FMN2: variants seen among roughly 807,000 people sequenced by gnomAD.
FMN2 encodes the protein formin-2.
FMN2 carries 51 observed loss-of-function variants against 142.3 expected under a neutral mutation model. The ratio of observed to expected loss-of-function variants is 0.36; its 90% CI spans 0.29 to 0.45. The LOEUF (loss-of-function observed/expected upper bound fraction) is 0.45, where lower values mean the gene tolerates loss of function less well. FMN2 is among the 20% of genes least tolerant of loss of function. The pLI is 1.00. For synonymous variants in FMN2, 882 were observed against 869.8 expected (o/e 1.01, Z -0.25); for missense variants, 1,936 against 2,122.8 (o/e 0.91, Z 1.73).
intron 6 of FMN2, among the ~76,000 whole-genome samples, chr1:240,244,762 T>G (rs1008667084): frequency 3.3e-5 from 5 of 152,156 alleles, no homozygotes; most frequent in Non-Finnish European, 7.3e-5. Flanking sequence ...TAGAGAAAAT[T>G]GACTTTTCAG....
intron 15 of FMN2, among the ~76,000 whole-genome samples, chr1:240,434,548 GTTTTTTGTTT>G (rs1291450222): frequency 1.6e-3 from 170 of 103,242 alleles, no homozygotes; most frequent in African/African-American, 4.5e-3. Context: ...TTTGTTTTTT[GTTTTTTGTTT>G]TTTTTTGTTT....
chr1:240,469,153 A>T (rs1292251513), intron 16 of FMN2, among the ~76,000 whole-genome samples: 1 of 152,088 alleles, frequency 6.6e-6, no homozygotes, highest in Non-Finnish European at 1.5e-5. Flanking sequence ...GGCTTCAGGG[A>T]GTGTTAATGC....
chr1:240,397,102 C>T (rs758620854), intron 15 of FMN2, among the ~76,000 whole-genome samples: 1 of 152,198 alleles, frequency 6.6e-6, no homozygotes, highest in Non-Finnish European at 1.5e-5. Context: ...CTTTCCTGCA[C>T]AGCCTCGCCA....
intron 16 of FMN2, among the ~76,000 whole-genome samples, chr1:240,467,737 A>G (rs991107124): frequency 1.3e-5 from 2 of 152,220 alleles, no homozygotes; most frequent in Admixed American, 6.5e-5. Flanking sequence ...GTTTGCTTCG[A>G]GATGAAATTT....
At chr1:240,122,304 C>T (rs113296841) in intron 1 of FMN2, among the ~76,000 whole-genome samples, 10,160 of 151,686 alleles carry the variant, frequency 0.067, 427 homozygotes, top group Non-Finnish European at 0.088. Flanking sequence ...GCTCTTGTCT[C>T]CCAGGCTAGA....
At chr1:240,401,657 C>G (rs2103111518) in intron 15 of FMN2, among the ~76,000 whole-genome samples, 1 of 152,264 alleles carries the variant, frequency 6.6e-6, no homozygotes, top group African/African-American at 2.4e-5. Flanking sequence ...ATTGTGATAG[C>G]TGAGTTGGGC....
chr1:240,400,889 G>C (rs139172141), intron 15 of FMN2: 1 of 152,352 alleles, frequency 6.6e-6, no homozygotes, highest in Non-Finnish European at 1.5e-5. Flanking sequence ...TTTGGAGGCC[G>C]AGGCAGGCAG....
At position 240,101,688 on chromosome 1, in the gene FMN2, G is replaced by A. The variant is rs143945108; in HGVS notation, c.1615+7964G>A. On this transcript the variant is annotated intron_variant, in intron 1 of 17. Transcript: ENST00000319653. ...TTCCAGAATAGCTGGGACCACAGGC[G>A]TGAGCCACTATGCCTGGCTAATTTT... is the stretch of plus-strand genomic sequence containing the variant. Among the ~76,000 whole-genome samples, 924 of 151,616 alleles carry A rather than the reference G, an allele frequency of 6.1e-3. 3 individuals are homozygous for A. Among genetic ancestry groups the A allele is most frequent in the South Asian group, 0.032 (152 of 4,786 alleles).
intron 2 of FMN2, among the ~76,000 whole-genome samples, chr1:240,147,750 C>G (rs1163903480): frequency 6.6e-6 from 1 of 152,172 alleles, no homozygotes; most frequent in Non-Finnish European, 1.5e-5. Context: ...CTACAGGGAC[C>G]TCCCTTAGCT....
At position 240,180,434 on chromosome 1, in the gene FMN2, C is replaced by T. The variant is rs185497658; in HGVS notation, c.1930+2366C>T. ...CATAGGTAACCTTTGCCTACAGTCT[C>T]ATGTTTTACATCAATCACAAAGTTT... On this transcript the variant is annotated intron_variant, in intron 3 of 17. Coordinates refer to ENST00000319653, the MANE Select transcript of FMN2 (RefSeq NM_020066.5). Among the ~76,000 whole-genome samples the T allele has an allele frequency of 1.0e-3, 158 of 152,156 alleles. 1 individual carries two copies. The highest frequency in any genetic ancestry group is 3.6e-3 in the African/African-American group (148 of 41,516).
intron 7 of FMN2, among the ~76,000 whole-genome samples, chr1:240,287,793 A>C (rs1284382508): frequency 6.6e-6 from 1 of 152,162 alleles, no homozygotes; most frequent in Non-Finnish European, 1.5e-5. Context: ...TTTATTATTT[A>C]ATCTCCTGCA....
At chr1:240,373,217 C>A (rs2103071850) in intron 14 of FMN2, among the ~76,000 whole-genome samples, 1 of 152,244 alleles carries the variant, frequency 6.6e-6, no homozygotes, top group East Asian at 1.9e-4. Context: ...ATCATCTTAG[C>A]CTTCAGCAAG....
chr1:240,312,634 A>G (rs1349412357), intron 8 of FMN2, among the ~76,000 whole-genome samples: 1 of 152,216 alleles, frequency 6.6e-6, no homozygotes, highest in Admixed American at 6.5e-5. Flanking sequence ...TTCTTTTAAA[A>G]TACCAGGGCT....
At chr1:240,468,749 A>G (rs1676716547) in intron 16 of FMN2, among the ~76,000 whole-genome samples, 1 of 152,188 alleles carries the variant, frequency 6.6e-6, no homozygotes. Flanking sequence ...TGGAACACGT[A>G]CAAACAGTTA....
intron 8 of FMN2, among the ~76,000 whole-genome samples, chr1:240,327,224 C>T (rs925904601): frequency 1.8e-4 from 27 of 152,132 alleles, no homozygotes; most frequent in Admixed American, 6.5e-4. Context: ...ATTCTTTTGA[C>T]GCATCACATT....
chr1:240,208,844 ACT>A, intron 5 of FMN2, 112 bp downstream of exon 5: 1 of 1,370,418 alleles, frequency 7.3e-7, no homozygotes, highest in Non-Finnish European at 9.9e-7. Context: ...CAACTCTAAA[ACT>A]CGTCTAGATT....
intron 2 of FMN2, among the ~76,000 whole-genome samples, chr1:240,158,562 G>A (rs1664130825): frequency 6.6e-6 from 1 of 151,982 alleles, no homozygotes; most frequent in African/African-American, 2.4e-5. Flanking sequence ...CTAAATATAG[G>A]TCAAATACTT....
intron 15 of FMN2, among the ~76,000 whole-genome samples, chr1:240,415,098 T>TA (rs879495520): frequency 1.3e-5 from 2 of 152,130 alleles, no homozygotes; most frequent in Non-Finnish European, 2.9e-5. Flanking sequence ...GAAAACTTTT[T>TA]TAAAAATATG....
intron 6 of FMN2, among the ~76,000 whole-genome samples, chr1:240,251,453 G>A (rs902608300): frequency 5.9e-5 from 9 of 151,970 alleles, no homozygotes; most frequent in South Asian, 2.1e-4. Context: ...ATATGATTTC[G>A]ATATTTAAAA....
Sources: allele counts gnomAD v4.1 joint callset (sites outside exome capture counted in the v4.1 genomes callset), GRCh38; gene constraint gnomAD v4.1.1; transcripts MANE v1.5; gene names NCBI Gene and HGNC (gene_info 2026-07-23, HGNC 2026-07-21).